Variants in SRCAP observed in about 807,000 individuals in gnomAD.
The protein encoded by SRCAP is chromatin remodeling protein SRCAP.
Under a neutral mutation model 263.1 loss-of-function variants are expected in SRCAP, and 46 were observed. The observed-to-expected ratio is 0.17, with a 90% CI of 0.14 to 0.22. The LOEUF (loss-of-function observed/expected upper bound fraction) is 0.22, where lower values mean the gene tolerates loss of function less well. SRCAP is among the 10% of genes least tolerant of loss of function. The probability of loss-of-function intolerance (pLI) is 1.00; values close to 1 mark genes in which losing one functional copy is unlikely to be tolerated. For missense variants in SRCAP, 3,695 were observed against 4,181.9 expected, an observed-to-expected ratio of 0.88 and a Z score of 3.21; for synonymous variants, 1,813 against 1,662.1, an observed-to-expected ratio of 1.09 and a Z score of -2.21.
In SRCAP at chr16:30,700,762, A is replaced by G. The variant is rs2052756929; in HGVS notation, c.-63A>G. ...GCCGGACGCCAGCCCCTCGGCCAGC[A>G]GTACTGGTGATAACAACCCAGTCAT... On this transcript the variant is annotated 5_prime_UTR_variant, in exon 3 of 34. Transcript: ENST00000262518. 6.6e-7 allele frequency: 1 copy of G among 1,504,568 alleles called. No individual in the cohort carries two copies. The highest frequency in any genetic ancestry group is 9.2e-7 in the Non-Finnish European group (1 of 1,085,826). The allele number at this position is 1,504,568 out of a possible 1,614,324, so 93.2% of individuals were successfully genotyped here. A position where few individuals can be genotyped will look rare whatever the true frequency, so the allele number is the denominator to read the frequency against.
In SRCAP at chr16:30,739,704, A is replaced by G. The variant is rs778843215; in HGVS notation, c.9664A>G (p.Ser3222Gly). The part of the protein sequence containing the change: ...APPSLAGPAV[S>G]HRGRKAKT ...TCCCTCCCTGGCTGGCCCTGCTGTT[A>G]GTCACAGAGGCCGCAAGGCCAAGAC... The change falls in exon 34 of 34, where the codon AGT becomes GGT. Residue 3222 changes from serine to glycine, a missense_variant. By Grantham distance (56) the Ser-to-Gly change is moderately conservative. This residue lies in a region of SRCAP where 1,207 missense variants were observed against 1,142.9 expected (regional missense o/e 1.06). Coordinates refer to ENST00000262518, the MANE Select transcript of SRCAP (RefSeq NM_006662.3). 23 of 1,509,718 alleles carry G rather than the reference A, an allele frequency of 1.5e-5. No homozygotes were observed. In the Admixed American group the frequency reaches 4.2e-4, roughly 28 times the overall value. The allele number at this position is 1,509,718 out of a possible 1,614,324, so 93.5% of individuals were successfully genotyped here.
chr16:30,724,824 G>A lies in SRCAP; in HGVS notation c.5400G>A (p.Pro1800=), dbSNP rs368049243. The change falls in exon 25 of 34, where the codon CCG becomes CCA. Residue 1800 remains proline (P), a synonymous_variant. Transcript: ENST00000262518. ...CTGCCCCAGTTCCTACCCTGGGCCC[G>A]GCCGCAGCTCAGACCTTGGCGCTGG... ...LSPAPVPTLG[P]AAAQTLALAP... The A allele has an allele frequency of 1.7e-5, 27 of 1,613,838 alleles. No individual in the cohort carries two copies. The highest frequency in any genetic ancestry group is 9.3e-5 in the African/African-American group (7 of 75,030).
intron 10 of SRCAP, 53 bp from the exon 11 acceptor site, chr16:30,711,518 C>T: frequency 6.6e-6 from 10 of 1,524,990 alleles, no homozygotes; most frequent in South Asian, 5.2e-5. Flanking sequence ...CTACTCAGAC[C>T]TCCCCTTCTC....
At chr16:30,730,963 C>G (rs891963253) in intron 27 of SRCAP, among the ~76,000 whole-genome samples, 1 of 152,150 alleles carries the variant, frequency 6.6e-6, no homozygotes, top group African/African-American at 2.4e-5. Flanking sequence ...CCATTGCACC[C>G]AGCCTTAAGG....
intron 9 of SRCAP, 45 bp from the exon 10 acceptor site, chr16:30,710,954 C>G: frequency 6.3e-7 from 1 of 1,598,002 alleles, no homozygotes; most frequent in South Asian, 1.1e-5. Flanking sequence ...TGTCCTGTGC[C>G]TCTAGCCTCT....
At chr16:30,713,888 G>A (rs1263860887) in intron 16 of SRCAP, among the ~76,000 whole-genome samples, 177 bp downstream of exon 16, 4 of 144,294 alleles carry the variant, frequency 2.8e-5, no homozygotes, top group African/African-American at 9.8e-5. Flanking sequence ...CCTCATCTTA[G>A]TCATCAATTC....
Position 30,739,878 on chromosome 16 carries a change from G to A in SRCAP, c.*145G>A. 2.3e-6 allele frequency: 3 copies of A among 1,286,254 alleles called. No individual in the cohort carries two copies. Among genetic ancestry groups the A allele is most frequent in the Non-Finnish European group, 3.1e-6 (3 of 980,048 alleles). 79.7% of individuals were successfully genotyped at this position (1,286,254 alleles called of 1,614,324 possible). A position where few individuals can be genotyped will look rare whatever the true frequency, so the allele number is the denominator to read the frequency against. ...TTCTCCCTTCTTCCCACCAAAGTAG[G>A]GGGTAGGCAACTGGTTGTCATGGAA... On this transcript the variant is annotated 3_prime_UTR_variant, in exon 34 of 34. Coordinates refer to ENST00000262518, the MANE Select transcript of SRCAP (RefSeq NM_006662.3).
intron 18 of SRCAP, 53 bp downstream of exon 18, chr16:30,716,532 C>A: frequency 6.6e-7 from 1 of 1,506,296 alleles, no homozygotes; most frequent in Non-Finnish European, 9.0e-7. Context: ...ATTACTCCAA[C>A]CATGTACCTC....
intron 2 of SRCAP, among the ~76,000 whole-genome samples, chr16:30,700,279 A>T: frequency 6.6e-6 from 1 of 152,204 alleles, no homozygotes; most frequent in East Asian, 1.9e-4. Context: ...CGCAAATCAT[A>T]AGGTCTTAAC....
intron 14 of SRCAP, 136 bp downstream of exon 14, chr16:30,712,951 G>T: frequency 8.3e-7 from 1 of 1,210,440 alleles, no homozygotes; most frequent in South Asian, 1.7e-5. Context: ...ATAAAGATGG[G>T]GTCTCACTAT....
intron 2 of SRCAP, among the ~76,000 whole-genome samples, 157 bp from the exon 3 acceptor site, chr16:30,700,459 T>C (rs2052753695): frequency 6.6e-6 from 1 of 152,234 alleles, no homozygotes; most frequent in South Asian, 2.1e-4. Flanking sequence ...ATCAAACAGG[T>C]ACTAAAAGTA....
rs1318012083 is a variant in SRCAP, at chr16:30,737,794, T to C, written c.7754T>C (p.Leu2585Pro). 1 of 1,614,084 alleles carries C rather than the reference T, an allele frequency of 6.2e-7. No homozygotes were observed. Among genetic ancestry groups the C allele is most frequent in the African/African-American group, 1.3e-5 (1 of 74,942 alleles). ...CTTTCTCTTGTGCCCCCTAAAGATC[T>C]GTTGCCAGTTGCTGTGGAGATCCTG... Reference protein sequence around the residue: ...SSLSLVPPKDLLPVAVEILPV... With the variant: ...SSLSLVPPKDPLPVAVEILPV... The change falls in exon 34 of 34, where the codon CTG becomes CCG. Residue 2585 changes from leucine to proline, a missense_variant. Physicochemically the swap from Leu to Pro is moderately conservative, Grantham distance 98 (BLOSUM62 -3). This residue lies in a region of SRCAP where 1,207 missense variants were observed against 1,142.9 expected (regional missense o/e 1.06). Coordinates refer to ENST00000262518, the MANE Select transcript of SRCAP (RefSeq NM_006662.3).
chr16:30,711,474 G>C, intron 10 of SRCAP, 97 bp from the exon 11 acceptor site: 1 of 1,290,854 alleles, frequency 7.7e-7, no homozygotes, highest in South Asian at 1.5e-5. Context: ...GGGCCTAGCA[G>C]TATCTACAGA....
intron 4 of SRCAP, among the ~76,000 whole-genome samples, chr16:30,705,500 A>G (rs1232535006): frequency 2.2e-5 from 3 of 138,232 alleles, no homozygotes; most frequent in African/African-American, 8.2e-5. Flanking sequence ...CCGGGTTCAC[A>G]GCCATTCTCT....
At chr16:30,726,318 T>C (rs534645161) in intron 25 of SRCAP, 1 of 152,366 alleles carries the variant, frequency 6.6e-6, no homozygotes, top group Admixed American at 6.5e-5. Context: ...AATGCTGCTG[T>C]GAACATTTCA....
chr16:30,704,355 T>C (rs1376992830), intron 4 of SRCAP, 40 bp downstream of exon 4: 20 of 1,542,692 alleles, frequency 1.3e-5, no homozygotes, highest in Admixed American at 8.2e-5. Context: ...TTGGGAGTTA[T>C]CTTCCGTAAA....
Position 30,739,742 on chromosome 16 carries a change from C to T in SRCAP, c.*9C>T, listed in dbSNP as rs929481204. On this transcript the variant is annotated 3_prime_UTR_variant, in exon 34 of 34. Transcript: ENST00000262518. Reference sequence around the variant, plus strand: ...GCAAGGCCAAGACGTGAGTGGGCTGCCCCTCCACCTAGGCTTTCCACCGTG... The same window carrying T: ...GCAAGGCCAAGACGTGAGTGGGCTGTCCCTCCACCTAGGCTTTCCACCGTG... 1.2e-5 allele frequency: 18 copies of T among 1,463,450 alleles called. No individual in the cohort carries two copies. Among genetic ancestry groups the T allele is most frequent in the Admixed American group, 5.4e-5 (2 of 37,102 alleles). The allele number at this position is 1,463,450 out of a possible 1,614,324, so 90.7% of individuals were successfully genotyped here. A position where few individuals can be genotyped will look rare whatever the true frequency, so the allele number is the denominator to read the frequency against.
At chr16:30,712,614 T>C in intron 13 of SRCAP, 65 bp from the exon 14 acceptor site, 1 of 1,608,706 alleles carries the variant, frequency 6.2e-7, no homozygotes. Context: ...GCCAGGGTTA[T>C]AACTGAGAAA....
chr16:30,710,330 G>C (rs1167268705), intron 8 of SRCAP, among the ~76,000 whole-genome samples: 4 of 152,210 alleles, frequency 2.6e-5, no homozygotes, highest in Non-Finnish European at 5.9e-5. Flanking sequence ...CGCTATAGTG[G>C]AAGAGCGTAT....
Sources: allele counts gnomAD v4.1 joint callset (sites outside exome capture counted in the v4.1 genomes callset), GRCh38; gene constraint gnomAD v4.1.1; regional missense constraint gnomAD v4.1.1; transcripts MANE v1.5; gene names NCBI Gene and HGNC (gene_info 2026-07-23, HGNC 2026-07-21).